The following GIPC2 variants were observed in gnomAD, a reference collection of about 807,000 sequenced individuals.
GIPC2 encodes the protein PDZ domain-containing protein GIPC2.
GIPC2 carries 30 observed loss-of-function variants against 30.6 expected under a neutral mutation model. The observed-to-expected ratio is 0.98, with a 90% CI of 0.73 to 1.33. GIPC2 has a LOEUF of 1.33. Among genes scored for constraint, GIPC2 ranks in the 40% most tolerant of loss-of-function variants. GIPC2 has a pLI of 0.00. For missense variants in GIPC2, 414 were observed against 390.3 expected, an observed-to-expected ratio of 1.06 and a Z score of -0.51; for synonymous variants, 167 against 150.0, an observed-to-expected ratio of 1.11 and a Z score of -0.83.
chr1:78,091,963 C>T (rs1662049683), intron 2 of GIPC2: 4 of 1,159,440 alleles, frequency 3.4e-6, no homozygotes, highest in South Asian at 2.4e-5. Flanking sequence ...GCTTCTTCTT[C>T]GTTTTGAAGA....
chr1:78,098,703 A>G (rs951559168), intron 3 of GIPC2, among the ~76,000 whole-genome samples: 1 of 151,634 alleles, frequency 6.6e-6, no homozygotes, highest in African/African-American at 2.4e-5. Context: ...ATTTGTAGAT[A>G]GGGGCTTTAA....
At chr1:78,096,400 A>G (rs1049579464) in intron 3 of GIPC2, among the ~76,000 whole-genome samples, 3 of 152,100 alleles carry the variant, frequency 2.0e-5, no homozygotes, top group African/African-American at 7.2e-5. Flanking sequence ...CTCTTTGTAA[A>G]TCAAAGCCAT....
At chr1:78,059,826 T>C (rs939827364) in intron 1 of GIPC2, among the ~76,000 whole-genome samples, 9 of 152,128 alleles carry the variant, frequency 5.9e-5, no homozygotes, top group African/African-American at 2.2e-4. Context: ...TAGAGATCAC[T>C]TCTTGTTAGA....
chr1:78,048,937 T>A (rs965808017), intron 1 of GIPC2, among the ~76,000 whole-genome samples: 1 of 152,232 alleles, frequency 6.6e-6, no homozygotes, highest in Non-Finnish European at 1.5e-5. Context: ...TGTTTATGCA[T>A]ATAACCAACA....
At chr1:78,084,599 A>G (rs185390460) in intron 2 of GIPC2, among the ~76,000 whole-genome samples, 1 of 152,162 alleles carries the variant, frequency 6.6e-6, no homozygotes, top group Non-Finnish European at 1.5e-5. Context: ...TCCCCATCAA[A>G]ATTTTTACTT....
intron 5 of GIPC2, among the ~76,000 whole-genome samples, chr1:78,127,409 G>A (rs924303644): frequency 6.6e-6 from 1 of 152,300 alleles, no homozygotes; most frequent in South Asian, 2.1e-4. Flanking sequence ...CCTGTTGCAA[G>A]GTTACTTTCT....
At chr1:78,061,172 GTCT>G (rs1346248295) in intron 1 of GIPC2, among the ~76,000 whole-genome samples, 3 of 152,188 alleles carry the variant, frequency 2.0e-5, no homozygotes, top group Non-Finnish European at 1.5e-5. Context: ...GTTTCCCTGT[GTCT>G]TCTTGGTGTA....
At chr1:78,110,128 A>G (rs1662438884) in intron 3 of GIPC2, among the ~76,000 whole-genome samples, 1 of 152,132 alleles carries the variant, frequency 6.6e-6, no homozygotes. Flanking sequence ...TGGCACATGT[A>G]TGCATATGTA....
intron 1 of GIPC2, among the ~76,000 whole-genome samples, chr1:78,056,449 G>T (rs952064279): frequency 8.5e-5 from 13 of 152,138 alleles, no homozygotes; most frequent in Admixed American, 3.3e-4. Context: ...GTGTACTCCA[G>T]CCTGGGCGAC....
At chr1:78,117,020 T>TTA (rs1286181525) in intron 3 of GIPC2, among the ~76,000 whole-genome samples, 2 of 140,320 alleles carry the variant, frequency 1.4e-5, no homozygotes, top group East Asian at 5.2e-4. Context: ...AGCACCTGTT[T>TTA]CCTGACTTTT....
intron 3 of GIPC2, among the ~76,000 whole-genome samples, chr1:78,104,813 T>A (rs1429544459): frequency 6.6e-6 from 1 of 152,166 alleles, no homozygotes; most frequent in Non-Finnish European, 1.5e-5. Flanking sequence ...CAGTTTCAGG[T>A]GTATTGCATT....
intron 1 of GIPC2, among the ~76,000 whole-genome samples, chr1:78,074,811 G>C (rs1661685980): frequency 6.6e-6 from 1 of 152,148 alleles, no homozygotes; most frequent in South Asian, 2.1e-4. Context: ...ATTTTTGTTA[G>C]GGGTGATAGA....
At chr1:78,053,655 T>C (rs1008259820) in intron 1 of GIPC2, among the ~76,000 whole-genome samples, 3 of 150,856 alleles carry the variant, frequency 2.0e-5, no homozygotes, top group Non-Finnish European at 4.4e-5. Context: ...CAGTCTAATC[T>C]TAGCACTTTG....
chr1:78,078,512 A>G (rs1661761386), intron 1 of GIPC2, among the ~76,000 whole-genome samples: 1 of 152,166 alleles, frequency 6.6e-6, no homozygotes, highest in Non-Finnish European at 1.5e-5. Context: ...AAAGAAACTA[A>G]TGCCCTGCTT....
At chr1:78,082,360 A>T (rs1661846728) in intron 2 of GIPC2, among the ~76,000 whole-genome samples, 1 of 152,196 alleles carries the variant, frequency 6.6e-6, no homozygotes, top group African/African-American at 2.4e-5. Context: ...CCATTAAATA[A>T]TCTTAGGGAA....
In GIPC2 at chr1:78,085,282, A is replaced by G. The variant is rs533475796; in HGVS notation, c.426+4422A>G. ...ATCTTGCATCCTGGGGATGAAGCCT[A>G]CTTGCTCATGCTGGATTAGGTTTTT... On this transcript the variant is annotated intron_variant, in intron 2 of 5. Transcript: ENST00000370759. Among the ~76,000 whole-genome samples, 221 of 152,340 alleles carry G rather than the reference A, an allele frequency of 1.5e-3. 1 individual carries two copies. Among genetic ancestry groups the G allele is most frequent in the Non-Finnish European group, 2.3e-3 (156 of 68,034 alleles).
chr1:78,098,250 T>G (rs1436108388), intron 3 of GIPC2, among the ~76,000 whole-genome samples: 1 of 152,190 alleles, frequency 6.6e-6, no homozygotes, highest in Non-Finnish European at 1.5e-5. Flanking sequence ...CATAGCTGTT[T>G]GGCAGTGGAC....
At chr1:78,066,850 TAGAA>T (rs912190864) in intron 1 of GIPC2, among the ~76,000 whole-genome samples, 2 of 151,988 alleles carry the variant, frequency 1.3e-5, no homozygotes, top group African/African-American at 2.4e-5. Context: ...CATGGACACA[TAGAA>T]AGAAGCAACA....
intron 2 of GIPC2, among the ~76,000 whole-genome samples, chr1:78,090,165 G>T (rs1052893318): frequency 5.3e-5 from 8 of 152,112 alleles, no homozygotes; most frequent in African/African-American, 1.9e-4. Context: ...TAAGAGAATA[G>T]ACTTGTACTT....
Sources: allele counts gnomAD v4.1 joint callset (sites outside exome capture counted in the v4.1 genomes callset), GRCh38; gene constraint gnomAD v4.1.1; transcripts MANE v1.5; gene names NCBI Gene and HGNC (gene_info 2026-07-23, HGNC 2026-07-21).